Variants in PPCS observed in about 807,000 individuals in gnomAD.
PPCS encodes the protein phosphopantothenate--cysteine ligase.
PPCS carries 17 observed loss-of-function variants against 24.6 expected under a neutral mutation model. The ratio of observed to expected loss-of-function variants is 0.69; its 90% CI spans 0.47 to 1.04. The LOEUF (loss-of-function observed/expected upper bound fraction) is 1.04, where lower values mean the gene tolerates loss of function less well. PPCS is among the 50% of genes least tolerant of loss of function. The probability of loss-of-function intolerance (pLI) is 0.00; values close to 1 mark genes in which losing one functional copy is unlikely to be tolerated. For missense variants in PPCS, 360 were observed against 402.8 expected, an observed-to-expected ratio of 0.89 and a Z score of 0.91; for synonymous variants, 190 against 168.3, an observed-to-expected ratio of 1.13 and a Z score of -1.00.
At chr1:42,470,212 C>T (rs758479960) in intron 2 of PPCS, among the ~76,000 whole-genome samples, 1 of 151,940 alleles carries the variant, frequency 6.6e-6, no homozygotes, top group Non-Finnish European at 1.5e-5. Context: ...ATGTAATGGT[C>T]CAGAGATTGG....
chr1:42,457,022 G>T lies in PPCS; in HGVS notation c.457G>T (p.Ala153Ser). The stretch of plus-strand genomic sequence containing the variant: ...CCTGGCAGTAGAGTTCACCACTTTG[G>T]CGGACTATTTGCATCTGTTGCAGGC... ...TFLAVEFTTL[A>S]DYLHLLQAAA... Residue 153 changes from alanine (A) to serine (S), a missense_variant, in exon 1 of 3, where the codon GCG (alanine) becomes TCG (serine). Ala to Ser is a moderately conservative substitution (Grantham distance 99). This residue lies in a region of PPCS where 244 missense variants were observed against 234.7 expected (regional missense o/e 1.04). Coordinates refer to ENST00000372561, the MANE Select transcript of PPCS (RefSeq NM_024664.4). 1 of 1,601,980 alleles carries T rather than the reference G, an allele frequency of 6.2e-7. No individual in the cohort carries two copies.
rs771539963 is a variant in PPCS at position 42,457,056 on chromosome 1, A to C, written c.491A>C (p.Gln164Pro). 1 of 1,598,210 alleles carries C rather than the reference A, an allele frequency of 6.3e-7. No individual in the cohort carries two copies. The highest frequency in any genetic ancestry group is 8.5e-7 in the Non-Finnish European group (1 of 1,177,120). Residue 164 changes from glutamine to proline, a missense_variant, in exon 1 of 3, where the codon CAG (glutamine) becomes CCG (proline). Physicochemically the swap from Gln to Pro is moderately conservative, Grantham distance 76 (BLOSUM62 -1). Coordinates refer to ENST00000372561, the MANE Select transcript of PPCS (RefSeq NM_024664.4). ...TTGCATCTGTTGCAGGCTGCGGCCC[A>C]GGCACTCAATCCGCTAGGTGCGTGC... is the stretch of plus-strand genomic sequence containing the variant. The part of the protein sequence containing the change: ...DYLHLLQAAA[Q>P]ALNPLGPSAM...
At chr1:42,465,046 G>GCTTTA (rs1643526596), downstream of PPCS, among the ~76,000 whole-genome samples, 1 of 152,204 alleles carries the variant, frequency 6.6e-6, no homozygotes, top group African/African-American at 2.4e-5. Context: ...ATTGTAAGGG[G>GCTTTA]CTTTCCTTTC....
At chr1:42,462,549 T>C (rs529497902), downstream of PPCS, among the ~76,000 whole-genome samples, 11 of 152,036 alleles carry the variant, frequency 7.2e-5, no homozygotes, top group Admixed American at 2.0e-4. Flanking sequence ...GGAACTAGAG[T>C]AAGACCAAGA....
intron 2 of PPCS, 64 bp from the exon 3 acceptor site, chr1:42,459,539 A>C: frequency 1.5e-6 from 2 of 1,331,888 alleles, no homozygotes; most frequent in Non-Finnish European, 2.1e-6. Context: ...TTAGTTTCCC[A>C]TGAGATTGAC....
Position 42,456,880 on chromosome 1 carries a change from G to T in PPCS, c.315G>T (p.Leu105=). 1 of 1,613,122 alleles carries T rather than the reference G, an allele frequency of 6.2e-7. No homozygotes were observed. The change falls in exon 1 of 3, where the codon CTG becomes CTT. Residue 105 remains leucine (L), a synonymous_variant. Transcript: ENST00000372561. ...RFPPQTWLSA[L]RPSGPALSGL... is the part of the protein sequence containing the mutation. ...CACCCCAGACTTGGCTGTCCGCTCT[G>T]CGGCCTTCGGGCCCAGCCCTTTCGG...
At chr1:42,459,573 G>C in intron 2 of PPCS, 30 bp from the exon 3 acceptor site, 2 of 1,582,004 alleles carry the variant, frequency 1.3e-6, no homozygotes, top group Non-Finnish European at 1.7e-6. Context: ...ACCATTGTTT[G>C]CTTATTAAGC....
rs1200929587 is a variant in PPCS at position 42,456,963 on chromosome 1, G to A, written c.398G>A (p.Arg133Lys). The A allele has an allele frequency of 2.5e-6, 4 of 1,603,968 alleles. No homozygotes were observed. Among genetic ancestry groups the A allele is most frequent in the Non-Finnish European group, 3.4e-6 (4 of 1,179,992 alleles). ...CTTCCGGGTTTTGCTGAGGCTCTGA[G>A]GAGCTACCAGGAGGCTGCGGCTGCA... The part of the protein sequence containing the change: ...NALPGFAEAL[R>K]SYQEAAAAGT... The change falls in exon 1 of 3, where the codon AGG becomes AAG. Residue 133 changes from arginine to lysine, a missense_variant. Around this residue, in one of 2 missense-constraint regions of PPCS, gnomAD observed 244 missense variants for 234.7 expected, o/e 1.04. Transcript: ENST00000372561.
intron 2 of PPCS, among the ~76,000 whole-genome samples, chr1:42,468,164 G>T (rs1643651127): frequency 1.3e-5 from 2 of 152,176 alleles, no homozygotes; most frequent in African/African-American, 4.8e-5. Context: ...GGGACAGAAA[G>T]CCCAAAATAA....
chr1:42,470,605 A>C (rs571233808), intron 2 of PPCS, among the ~76,000 whole-genome samples: 12 of 152,258 alleles, frequency 7.9e-5, no homozygotes, highest in Non-Finnish European at 1.6e-4. Flanking sequence ...TGCTATGTAC[A>C]TACAATGGAA....
intron 2 of PPCS, among the ~76,000 whole-genome samples, chr1:42,468,177 A>G (rs533800724): frequency 6.6e-5 from 10 of 152,342 alleles, no homozygotes; most frequent in Admixed American, 6.5e-4. Flanking sequence ...CAAAATAATA[A>G]TGCGTTGAAA....
chr1:42,467,034 A>C (rs905192868), intron 2 of PPCS, among the ~76,000 whole-genome samples: 1 of 152,206 alleles, frequency 6.6e-6, no homozygotes, highest in Non-Finnish European at 1.5e-5. Flanking sequence ...GCACCATTCC[A>C]GGTAGAGTGA....
downstream of PPCS, among the ~76,000 whole-genome samples, chr1:42,461,312 G>A (rs1304404813): frequency 1.3e-5 from 2 of 152,206 alleles, no homozygotes; most frequent in Non-Finnish European, 2.9e-5. Flanking sequence ...AGTCAAGACT[G>A]TTCTGGAAGC....
At chr1:42,472,361 A>G (rs1261869014) in intron 2 of PPCS, among the ~76,000 whole-genome samples, 1 of 152,242 alleles carries the variant, frequency 6.6e-6, no homozygotes, top group Non-Finnish European at 1.5e-5. Context: ...TGTCATGATT[A>G]CTTGCAACCT....
chr1:42,456,483 C>A, upstream of PPCS: 3 of 1,369,340 alleles, frequency 2.2e-6, no homozygotes, highest in Middle Eastern at 2.3e-4. Context: ...CTCAGTACGG[C>A]GCGGCGCGTA....
intron 2 of PPCS, among the ~76,000 whole-genome samples, chr1:42,466,555 TTG>T: frequency 7.9e-6 from 1 of 126,492 alleles, no homozygotes; most frequent in Non-Finnish European, 1.7e-5. Flanking sequence ...TTGTTTTGTT[TTG>T]TTTTTTTTTT....
In PPCS at chr1:42,472,596, T is replaced by G. The variant is rs561218179; in HGVS notation, n.378-526T>G. Among the ~76,000 whole-genome samples, 5 of 152,180 alleles carry G rather than the reference T, an allele frequency of 3.3e-5. No homozygotes were observed. The South Asian group carries it at 8.3e-4, about 25-fold the overall frequency. ...ACTTTAAAAAAGAAACAAGAGCCCT[T>G]TGGGAGACTTTTCAGATAAAAGTTG... On this transcript the variant is annotated intron_variant and non_coding_transcript_variant, in intron 2 of 2. Coordinates refer to the PPCS transcript ENST00000471420.
At chr1:42,471,943 GTCTGTCACTGCAAT>G in intron 2 of PPCS, among the ~76,000 whole-genome samples, 1 of 152,252 alleles carries the variant, frequency 6.6e-6, no homozygotes, top group Middle Eastern at 3.4e-3. Flanking sequence ...TAACAATTAT[GTCTGTCACTGCAAT>G]TTGGGTCAGA....
chr1:42,458,885 T>TA (rs1435626823), intron 2 of PPCS, among the ~76,000 whole-genome samples: 1 of 152,256 alleles, frequency 6.6e-6, no homozygotes, highest in African/African-American at 2.4e-5. Context: ...TGGAATCTAA[T>TA]AGCCATTCTA....
Sources: gnomAD v4.1 joint callset for allele counts (sites outside exome capture counted in the v4.1 genomes callset) on GRCh38, gnomAD v4.1.1 for gene constraint, gnomAD v4.1.1 regional missense constraint, MANE v1.5 for transcripts, NCBI Gene and HGNC (gene_info 2026-07-23, HGNC 2026-07-21) for gene names.